Variants in NAV3 observed in about 807,000 individuals in gnomAD.
NAV3 encodes pore membrane and/or filament interacting like protein 1.
A neutral mutation model predicts 244.7 loss-of-function variants in NAV3; 87 were observed. That is an observed-to-expected ratio of 0.36 (90% CI 0.30 to 0.42). NAV3 has a LOEUF of 0.42. Among genes scored for constraint, NAV3 ranks in the 20% least tolerant of loss-of-function variants. The pLI is 1.00. For missense variants in NAV3, 2,663 were observed against 2,893.3 expected, an observed-to-expected ratio of 0.92 and a Z score of 1.83; for synonymous variants, 1,126 against 1,042.2, an observed-to-expected ratio of 1.08 and a Z score of -1.55.
chr12:77,772,671 G>A (rs1870153484), intron 2 of NAV3, among the ~76,000 whole-genome samples: 1 of 152,122 alleles, frequency 6.6e-6, no homozygotes, highest in Admixed American at 6.6e-5. Context: ...TGGTTTGAGA[G>A]GTTCTATTTC....
intron 2 of NAV3, among the ~76,000 whole-genome samples, chr12:77,636,421 C>T (rs901871564): frequency 1.3e-5 from 2 of 148,318 alleles, no homozygotes; most frequent in African/African-American, 5.0e-5. Context: ...GCCGAGATTG[C>T]ACCACTGCAC....
intron 2 of NAV3, among the ~76,000 whole-genome samples, chr12:77,681,595 T>A (rs1280970242): frequency 3.3e-5 from 5 of 152,220 alleles, no homozygotes; most frequent in Non-Finnish European, 5.9e-5. Context: ...AACCGTGCAG[T>A]GTTAATAATC....
At chr12:77,576,105 A>G (rs1298299277) in intron 2 of NAV3, among the ~76,000 whole-genome samples, 1 of 152,074 alleles carries the variant, frequency 6.6e-6, no homozygotes, top group Non-Finnish European at 1.5e-5. Flanking sequence ...ATAAATTCCA[A>G]CACATCACAT....
intron 1 of NAV3, among the ~76,000 whole-genome samples, chr12:77,932,842 G>T (rs1479021): frequency 6.6e-6 from 1 of 151,942 alleles, no homozygotes; most frequent in African/African-American, 2.4e-5. Context: ...GTTTCCATGT[G>T]CCCCTTCCCC....
At chr12:77,866,009 A>T (rs1017734827) in intron 1 of NAV3, among the ~76,000 whole-genome samples, 2 of 152,146 alleles carry the variant, frequency 1.3e-5, no homozygotes, top group African/African-American at 4.8e-5. Context: ...CAGCCACCAA[A>T]ACAATATGAG....
At position 77,997,724 on chromosome 12, in the gene NAV3, A is replaced by C. The variant is rs574734898; in HGVS notation, c.741-613A>C. ...AGTCTGGATGCTTATTTTTGGCAAG[A>C]AAATGAAAAAGGTTTTTTGTGGGGC... On this transcript the variant is annotated intron_variant, in intron 6 of 39. Coordinates refer to ENST00000397909, the MANE Select transcript of NAV3 (RefSeq NM_001024383.2). Among the ~76,000 whole-genome samples the C allele has an allele frequency of 3.9e-5, 6 of 152,374 alleles. No individual in the cohort carries two copies. The South Asian group carries it at 1.2e-3, about 32-fold the overall frequency.
At chr12:78,111,944 A>C (rs772368040) in intron 12 of NAV3, among the ~76,000 whole-genome samples, 1 of 152,238 alleles carries the variant, frequency 6.6e-6, no homozygotes, top group East Asian at 1.9e-4. Context: ...TTCTAAATTT[A>C]TAAATGTATT....
intron 11 of NAV3, among the ~76,000 whole-genome samples, chr12:78,054,187 G>C (rs1336664952): frequency 6.6e-6 from 1 of 151,930 alleles, no homozygotes; most frequent in Admixed American, 6.6e-5. Flanking sequence ...TATAGACAAA[G>C]GAAATATATT....
chr12:77,660,754 A>G (rs564131117), intron 2 of NAV3, among the ~76,000 whole-genome samples: 5 of 152,186 alleles, frequency 3.3e-5, no homozygotes, highest in Non-Finnish European at 7.4e-5. Context: ...TTTGAGAGTC[A>G]TTTATTGTTT....
intron 2 of NAV3, among the ~76,000 whole-genome samples, chr12:77,811,561 A>G (rs1565823145): frequency 6.6e-6 from 1 of 152,208 alleles, no homozygotes; most frequent in East Asian, 1.9e-4. Flanking sequence ...CACATTTGTC[A>G]GAAGGGGCTC....
intron 9 of NAV3, chr12:78,036,881 ACT>A (rs1480965306): frequency 1.4e-6 from 1 of 698,168 alleles, no homozygotes; most frequent in Non-Finnish European, 2.6e-6. Flanking sequence ...GGCCTGCTGA[ACT>A]CTCTGTGTTC....
intron 2 of NAV3, among the ~76,000 whole-genome samples, chr12:77,786,378 T>A (rs887473161): frequency 6.6e-6 from 1 of 152,168 alleles, no homozygotes; most frequent in Admixed American, 6.6e-5. Flanking sequence ...GTTACACATA[T>A]ATTTTAATAT....
chr12:78,099,981 C>T lies in NAV3; in HGVS notation c.2637-16791C>T, dbSNP rs1448758. 6.3e-3 allele frequency among the ~76,000 whole-genome samples: 954 copies of T among 151,694 alleles called. 14 individuals carry two copies. The highest frequency in any genetic ancestry group is 0.02 in the African/African-American group (836 of 41,444). The stretch of plus-strand genomic sequence containing the variant: ...GTTTACCTAGCCCTTTCTGATGCCA[C>T]GACAGAATAGCTGTAAATCTTCATT... On this transcript the variant is annotated intron_variant, in intron 12 of 39. Coordinates refer to ENST00000397909, the MANE Select transcript of NAV3 (RefSeq NM_001024383.2).
chr12:78,188,440 C>T, intron 32 of NAV3, 97 bp downstream of exon 32: 2 of 1,204,356 alleles, frequency 1.7e-6, no homozygotes, highest in Non-Finnish European at 2.4e-6. Context: ...TTCTTTTCCT[C>T]TCCTCAAATA....
intron 12 of NAV3, among the ~76,000 whole-genome samples, chr12:78,084,798 G>A (rs1044525594): frequency 1.3e-5 from 2 of 152,004 alleles, no homozygotes; most frequent in South Asian, 2.1e-4. Flanking sequence ...ATATAAAATC[G>A]ATGTTGCTAA....
Position 78,177,300 on chromosome 12 carries a change from C to T in NAV3, c.5284C>T (p.Gln1762Ter). The change falls in exon 27 of 40, where the codon CAA (glutamine) becomes TAA (stop). Residue 1762 changes from glutamine to a stop codon, truncating the protein, a stop_gained. Transcript: ENST00000397909. LOFTEE classifies it high-confidence loss of function. ...TGGCTCAGCATCCATGAAGCCCTCA[C>T]AATCTGCTTCAGCGTAAGTTGCTCC... ...DCGSASMKPS[Q>*]SASASPLVWP... is the part of the protein sequence containing the mutation. 6.2e-7 allele frequency: 1 copy of T among 1,609,624 alleles called. No homozygotes were observed. Among genetic ancestry groups the T allele is most frequent in the Non-Finnish European group, 8.5e-7 (1 of 1,178,760 alleles).
intron 2 of NAV3, among the ~76,000 whole-genome samples, chr12:77,731,801 A>G (rs1315533612): frequency 2.0e-5 from 3 of 152,016 alleles, no homozygotes; most frequent in Admixed American, 6.6e-5. Context: ...AATTTTCAAT[A>G]TAAAATTATA....
chr12:77,739,333 T>C (rs1327808522), intron 2 of NAV3, among the ~76,000 whole-genome samples: 2 of 152,220 alleles, frequency 1.3e-5, no homozygotes, highest in African/African-American at 4.8e-5. Flanking sequence ...AGATAGTATA[T>C]ATTTTCTTAA....
chr12:78,085,874 T>G (rs1294981742), intron 12 of NAV3, among the ~76,000 whole-genome samples: 1 of 152,076 alleles, frequency 6.6e-6, no homozygotes, highest in African/African-American at 2.4e-5. Context: ...ATCTTGATAA[T>G]AATGCCAATT....
Sources: gnomAD v4.1 joint callset for allele counts (sites outside exome capture counted in the v4.1 genomes callset) on GRCh38, gnomAD v4.1.1 for gene constraint, MANE v1.5 for transcripts, NCBI Gene and HGNC (gene_info 2026-07-23, HGNC 2026-07-21) for gene names.